Variants in RBFOX2 observed in about 807,000 individuals in gnomAD.
RBFOX2 encodes the protein RNA binding protein fox-1 homolog 2.
A neutral mutation model predicts 49.1 loss-of-function variants in RBFOX2; 10 were observed. The ratio of observed to expected loss-of-function variants is 0.20; its 90% CI spans 0.13 to 0.35. The LOEUF is 0.35. Ranked by LOEUF, RBFOX2 falls within the 10% of genes least tolerant of loss-of-function variation. The pLI, the probability that RBFOX2 is intolerant of heterozygous loss-of-function variation, is 1.00. For synonymous variants in RBFOX2, 183 were observed against 187.4 expected (o/e 0.98, Z 0.19); for missense variants, 323 against 486.9 (o/e 0.66, Z 3.17).
At chr22:35,807,413 G>A (rs1302762725) in intron 2 of RBFOX2, among the ~76,000 whole-genome samples, 6 of 151,610 alleles carry the variant, frequency 4.0e-5, no homozygotes, top group Admixed American at 2.6e-4. Context: ...AAGCGCCAAA[G>A]AAATTAAATT....
Position 35,953,325 on chromosome 22 carries a change from AAAAGG to A in RBFOX2, c.42+8233_42+8237del, listed in dbSNP as rs1243047047. On this transcript the variant is annotated intron_variant, in intron 1 of 5. Transcript: ENST00000408983. Reference sequence around the variant, plus strand: ...CACAAAGGAATATCATTCAGTTATAAAAAGGAAAGAAGTACTGATATATGCTACAA... The same window carrying A: ...CACAAAGGAATATCATTCAGTTATAAAAAGAAGTACTGATATATGCTACAA... Among the ~76,000 whole-genome samples, 9 of 152,296 alleles carry A rather than the reference AAAAGG, an allele frequency of 5.9e-5. 1 individual carries two copies. Among genetic ancestry groups the A allele is most frequent in the Admixed American group, 2.6e-4 (4 of 15,288 alleles).
chr22:35,937,417 G>C (rs2053211910), intron 1 of RBFOX2, among the ~76,000 whole-genome samples: 1 of 152,146 alleles, frequency 6.6e-6, no homozygotes. Context: ...GATGAACACA[G>C]AGCTAACAAC....
At chr22:35,932,324 GA>G (rs200438934) in intron 1 of RBFOX2, among the ~76,000 whole-genome samples, 24 of 147,280 alleles carry the variant, frequency 1.6e-4, no homozygotes, top group African/African-American at 2.7e-4. Context: ...TTAGAAAAAA[GA>G]AAAAAAAAAT....
rs1413870935 is a variant in RBFOX2 at position 35,746,370 on chromosome 22, G to C, written c.976+103C>G. On this transcript the variant is annotated intron_variant, in intron 10 of 11. Transcript: ENST00000405409. ...CCCAGGCTGGCAAGATGCCCGATGT[G>C]CTAAGAGCTGCTGTGGAAATGGTGA... The C allele has an allele frequency of 8.3e-6, 9 of 1,088,304 alleles. No individual in the cohort carries two copies. In the East Asian group the frequency reaches 1.9e-4, roughly 24 times the overall value. 67.4% of individuals were successfully genotyped at this position (1,088,304 alleles called of 1,614,324 possible). A position where few individuals can be genotyped will look rare whatever the true frequency, so the allele number is the denominator to read the frequency against.
intron 1 of RBFOX2, 43 bp from the exon 3 acceptor site, chr22:35,810,047 T>C: frequency 6.3e-7 from 1 of 1,580,360 alleles, no homozygotes; most frequent in African/African-American, 1.3e-5. Context: ...CTTTGAATCC[T>C]TGTTACGTAA....
chr22:35,824,794 C>A (rs1955283720), intron 1 of RBFOX2, among the ~76,000 whole-genome samples: 2 of 152,184 alleles, frequency 1.3e-5, no homozygotes, highest in South Asian at 4.1e-4. Flanking sequence ...CAATGCTAAA[C>A]CAACAGGGCA....
At chr22:36,004,534 G>A (rs139813115) in intron 1 of RBFOX2, among the ~76,000 whole-genome samples, 18 of 152,222 alleles carry the variant, frequency 1.2e-4, no homozygotes, top group African/African-American at 2.9e-4. Flanking sequence ...GGTGGTTCAC[G>A]CCTATAACCC....
chr22:35,942,941 T>C (rs932686491), upstream of RBFOX2, among the ~76,000 whole-genome samples: 6 of 152,220 alleles, frequency 3.9e-5, no homozygotes, highest in African/African-American at 9.6e-5. Context: ...AAACCAACTA[T>C]ATATCTCACT....
upstream of RBFOX2, among the ~76,000 whole-genome samples, chr22:35,843,877 T>C (rs991362389): frequency 6.6e-6 from 1 of 152,176 alleles, no homozygotes; most frequent in Admixed American, 6.5e-5. Flanking sequence ...ATTTATCAGA[T>C]TCTCAAAAGG....
chr22:35,844,886 T>C (rs998874092), upstream of RBFOX2, among the ~76,000 whole-genome samples: 1 of 152,120 alleles, frequency 6.6e-6, no homozygotes, highest in Admixed American at 6.5e-5. Context: ...AGAAAGGCTT[T>C]ATTTTCAATT....
chr22:35,921,573 T>C (rs568722508), intron 1 of RBFOX2, among the ~76,000 whole-genome samples: 1 of 152,330 alleles, frequency 6.6e-6, no homozygotes, highest in East Asian at 1.9e-4. Flanking sequence ...GAATACATGC[T>C]CACTGGATAC....
intron 1 of RBFOX2, among the ~76,000 whole-genome samples, chr22:35,916,592 T>C (rs575905586): frequency 6.6e-6 from 1 of 152,118 alleles, no homozygotes; most frequent in African/African-American, 2.4e-5. Context: ...AGGAGAGTGG[T>C]TGTTAATAGT....
intron 1 of RBFOX2, chr22:35,898,009 C>T (rs2048077345): frequency 9.6e-6 from 7 of 729,886 alleles, no homozygotes; most frequent in Admixed American, 5.6e-5. Context: ...TTCCCAGTCT[C>T]GTCCAACAAG....
intron 1 of RBFOX2, among the ~76,000 whole-genome samples, chr22:35,837,530 G>A (rs552903236): frequency 6.6e-6 from 1 of 151,590 alleles, no homozygotes; most frequent in Non-Finnish European, 1.5e-5. Flanking sequence ...CACACACGCA[G>A]GCACAACACA....
intron 2 of RBFOX2, among the ~76,000 whole-genome samples, chr22:35,792,246 G>A (rs1365239045): frequency 1.3e-5 from 2 of 149,852 alleles, no homozygotes; most frequent in Non-Finnish European, 3.0e-5. Flanking sequence ...GAACCGGGAG[G>A]TGGAGGTTGC....
At chr22:35,953,082 G>C (rs528886517) in intron 1 of RBFOX2, among the ~76,000 whole-genome samples, 4 of 151,886 alleles carry the variant, frequency 2.6e-5, no homozygotes, top group African/African-American at 9.7e-5. Context: ...CTGGTGGCGG[G>C]TGCCTGTAGT....
At chr22:35,885,178 G>C (rs562000305) in intron 1 of RBFOX2, among the ~76,000 whole-genome samples, 1 of 151,970 alleles carries the variant, frequency 6.6e-6, no homozygotes, top group African/African-American at 2.4e-5. Context: ...CTTAAATATA[G>C]CAGAGGAGAA....
At chr22:35,940,829 C>A (rs2149760677), upstream of RBFOX2, among the ~76,000 whole-genome samples, 1 of 152,160 alleles carries the variant, frequency 6.6e-6, no homozygotes, top group African/African-American at 2.4e-5. Flanking sequence ...CACAAAAGGC[C>A]ACAAATTATA....
At chr22:35,988,860 G>C (rs1468549515) in intron 1 of RBFOX2, among the ~76,000 whole-genome samples, 1 of 152,218 alleles carries the variant, frequency 6.6e-6, no homozygotes, top group Non-Finnish European at 1.5e-5. Context: ...TGGTGGCACT[G>C]GTTGCTGAGT....
Sources: allele counts gnomAD v4.1 joint callset (sites outside exome capture counted in the v4.1 genomes callset), GRCh38; gene constraint gnomAD v4.1.1; transcripts MANE v1.5; gene names NCBI Gene and HGNC (gene_info 2026-07-23, HGNC 2026-07-21).